The following LRCH1 variants were observed in gnomAD, a reference collection of about 807,000 sequenced individuals.
LRCH1 encodes leucine-rich repeat and calponin homology domain-containing protein 1.
In LRCH1, 23 loss-of-function variants were observed where a neutral mutation model predicts 94.9. The ratio of observed to expected loss-of-function variants is 0.24; its 90% CI spans 0.17 to 0.34. LRCH1 has a LOEUF of 0.34. LRCH1 is among the 10% of genes least tolerant of loss of function. The probability of loss-of-function intolerance (pLI) is 1.00; values close to 1 mark genes in which losing one functional copy is unlikely to be tolerated. For missense variants in LRCH1, 790 were observed against 945.9 expected (o/e 0.84, Z 2.16); for synonymous variants, 364 against 354.9 (o/e 1.03, Z -0.29).
intron 9 of LRCH1, among the ~76,000 whole-genome samples, chr13:46,695,323 C>T (rs1871127171): frequency 6.6e-6 from 1 of 152,200 alleles, no homozygotes; most frequent in South Asian, 2.1e-4. Context: ...GAAATAGTTT[C>T]ACATTCTTTT....
chr13:46,598,445 T>C (rs1362805165), intron 1 of LRCH1, among the ~76,000 whole-genome samples: 1 of 152,032 alleles, frequency 6.6e-6, no homozygotes, highest in African/African-American at 2.4e-5. Context: ...TTTGTATGCA[T>C]GATATTCTGT....
At chr13:46,569,061 A>G (rs2050214688) in intron 1 of LRCH1, among the ~76,000 whole-genome samples, 1 of 150,666 alleles carries the variant, frequency 6.6e-6, no homozygotes, top group African/African-American at 2.4e-5. Flanking sequence ...GACGTTCTTT[A>G]ATCTTTATTT....
chr13:46,565,153 A>C (rs1442207569), intron 1 of LRCH1, among the ~76,000 whole-genome samples: 1 of 152,226 alleles, frequency 6.6e-6, no homozygotes, highest in Non-Finnish European at 1.5e-5. Flanking sequence ...AGGTCAGTGC[A>C]TGGCACTGAT....
At chr13:46,622,962 A>G (rs779035650) in intron 1 of LRCH1, among the ~76,000 whole-genome samples, 1 of 152,206 alleles carries the variant, frequency 6.6e-6, no homozygotes, top group Non-Finnish European at 1.5e-5. Context: ...CCTTTTGGGA[A>G]AATAGCATTT....
chr13:46,590,844 C>T (rs775351517), intron 1 of LRCH1, among the ~76,000 whole-genome samples: 1 of 152,188 alleles, frequency 6.6e-6, no homozygotes, highest in Non-Finnish European at 1.5e-5. Flanking sequence ...TTCTAGTCTT[C>T]ATATATTCCC....
chr13:46,557,386 A>G (rs1030913769), intron 1 of LRCH1, among the ~76,000 whole-genome samples: 1 of 150,760 alleles, frequency 6.6e-6, no homozygotes. Flanking sequence ...TTTCATTGCT[A>G]ATTATCTTTT....
Position 46,723,228 on chromosome 13 carries a change from A to T in LRCH1, c.1767A>T (p.Leu589=). 1.9e-6 allele frequency: 3 copies of T among 1,604,456 alleles called. No individual in the cohort carries two copies. The highest frequency in any genetic ancestry group is 2.6e-6 in the Non-Finnish European group (3 of 1,171,814). The change falls in exon 17 of 20, where the codon CTA becomes CTT. Residue 589 remains leucine, a synonymous_variant. Transcript: ENST00000389797. The part of the protein sequence containing the change: ...PSEGDSDNVF[L]RPQRNLESID... ...TTCCCCTTTGTATTGTAGTGTTTCT[A>T]AGACCTCAGAGAAATTTGGAATCTA...
At chr13:46,657,500 CTTTTTTTTTTTTTTTTTTTTTT>C (rs67588975) in intron 2 of LRCH1, among the ~76,000 whole-genome samples, 105 of 11,386 alleles carry the variant, frequency 9.2e-3, no homozygotes, top group South Asian at 0.06. Context: ...CTTTTCTTTT[CTTTTTTTTTTTTTTTTTTTTTT>C]TTTTTTTTTT....
intron 2 of LRCH1, among the ~76,000 whole-genome samples, chr13:46,659,994 C>T (rs1010188223): frequency 6.8e-6 from 1 of 148,042 alleles, no homozygotes; most frequent in South Asian, 2.1e-4. Context: ...ATGATAAGAT[C>T]GGTAAAGGAA....
At chr13:46,606,717 G>A (rs112748822) in intron 1 of LRCH1, among the ~76,000 whole-genome samples, 4 of 152,050 alleles carry the variant, frequency 2.6e-5, no homozygotes, top group Non-Finnish European at 4.4e-5. Flanking sequence ...ACTTACAGGC[G>A]TGGGCCACTA....
At chr13:46,584,725 T>C (rs2050411324) in intron 1 of LRCH1, among the ~76,000 whole-genome samples, 1 of 152,264 alleles carries the variant, frequency 6.6e-6, no homozygotes, top group Admixed American at 6.5e-5. Context: ...TTAAGTGCTC[T>C]GAACTTAATC....
intron 7 of LRCH1, among the ~76,000 whole-genome samples, chr13:46,691,584 G>T (rs1269598876): frequency 6.6e-6 from 1 of 152,244 alleles, no homozygotes; most frequent in East Asian, 1.9e-4. Context: ...ACTGCTACTG[G>T]CAAGGGCCTC....
intron 6 of LRCH1, 116 bp from the exon 7 acceptor site, chr13:46,689,017 T>G: frequency 2.6e-6 from 2 of 769,846 alleles, no homozygotes; most frequent in Middle Eastern, 5.1e-4. Flanking sequence ...CTTATGGTAA[T>G]AATAAAAATT....
intron 1 of LRCH1, among the ~76,000 whole-genome samples, chr13:46,605,974 G>T (rs543944683): frequency 6.6e-6 from 1 of 152,288 alleles, no homozygotes; most frequent in Admixed American, 6.5e-5. Context: ...TCAGAGACAT[G>T]AAGTGACTTC....
chr13:46,752,871 T>C (rs1011669716), exon 19 of LRCH1: 1 of 152,216 alleles, frequency 6.6e-6, no homozygotes, highest in Non-Finnish European at 1.5e-5. Flanking sequence ...TTTTTTTCTT[T>C]TAAATGCAGT....
intron 17 of LRCH1, among the ~76,000 whole-genome samples, chr13:46,725,000 A>C (rs753750750): frequency 2.6e-5 from 4 of 152,212 alleles, no homozygotes; most frequent in Non-Finnish European, 4.4e-5. Flanking sequence ...GTGGTACATA[A>C]ACACCATGGA....
intron 1 of LRCH1, among the ~76,000 whole-genome samples, chr13:46,633,920 G>A (rs928113653): frequency 2.2e-4 from 31 of 138,522 alleles, no homozygotes; most frequent in South Asian, 6.7e-4. Context: ...TCGCTCTGTC[G>A]CCCGGCTGGA....
chr13:46,660,222 G>T (rs979075429), intron 2 of LRCH1, among the ~76,000 whole-genome samples: 1 of 151,522 alleles, frequency 6.6e-6, no homozygotes, highest in Admixed American at 6.6e-5. Flanking sequence ...CACTGTGTTG[G>T]CCAGGATGGT....
chr13:46,593,519 G>A (rs535444213), intron 1 of LRCH1, among the ~76,000 whole-genome samples: 15 of 152,284 alleles, frequency 9.9e-5, no homozygotes, highest in Non-Finnish European at 1.8e-4. Context: ...TTAGTGAAAC[G>A]TCACCACGAT....
Sources: allele counts gnomAD v4.1 joint callset (sites outside exome capture counted in the v4.1 genomes callset), GRCh38; gene constraint gnomAD v4.1.1; transcripts MANE v1.5; gene names NCBI Gene and HGNC (gene_info 2026-07-23, HGNC 2026-07-21).